The following DRC11 variants were observed in gnomAD, a reference collection of about 807,000 sequenced individuals.
DRC11 encodes the protein dynein regulatory complex subunit 11.
At chr2:236,477,214 A>G in the DRC11 span, among the ~76,000 whole-genome samples, 1 of 152,220 alleles carries the variant, frequency 6.6e-6, no homozygotes. Context: ...TGACTCCCCA[A>G]AACTTAACTA....
the DRC11 span, among the ~76,000 whole-genome samples, chr2:236,466,493 T>C: frequency 1.4e-4 from 21 of 152,354 alleles, 1 homozygote; most frequent in Middle Eastern, 0.041. Context: ...GAAGTTTATT[T>C]TGGCTCACAG....
At chr2:236,403,399 A>G in the DRC11 span, among the ~76,000 whole-genome samples, 1 of 151,924 alleles carries the variant, frequency 6.6e-6, no homozygotes, top group African/African-American at 2.4e-5. Flanking sequence ...TGGCTCTTGA[A>G]AGGACCAAGA....
chr2:236,481,790 T>A, the DRC11 span, among the ~76,000 whole-genome samples: 6 of 151,836 alleles, frequency 4.0e-5, no homozygotes, highest in Non-Finnish European at 8.8e-5. Flanking sequence ...GTGTATATAC[T>A]TAGTTGAAGT....
chr2:236,409,235 G>A, the DRC11 span, among the ~76,000 whole-genome samples: 1 of 152,192 alleles, frequency 6.6e-6, no homozygotes, highest in Non-Finnish European at 1.5e-5. Context: ...TGCCTGAGTA[G>A]CTGGGACCAC....
At chr2:236,455,551 A>G in the DRC11 span, among the ~76,000 whole-genome samples, 1 of 152,160 alleles carries the variant, frequency 6.6e-6, no homozygotes, top group Admixed American at 6.5e-5. The surrounding 1 kb of genome is among the most constrained non-coding windows in gnomAD (Gnocchi z 5.7). Flanking sequence ...CATTCTGTCC[A>G]TTGCCCGAAG....
At chr2:236,424,787 C>T in the DRC11 span, among the ~76,000 whole-genome samples, 1 of 151,896 alleles carries the variant, frequency 6.6e-6, no homozygotes, top group Admixed American at 6.6e-5. Context: ...AACTCTGTAC[C>T]CTTTGACCAA....
At chr2:236,394,188 A>T in the DRC11 span, among the ~76,000 whole-genome samples, 1 of 152,164 alleles carries the variant, frequency 6.6e-6, no homozygotes, top group Non-Finnish European at 1.5e-5. This position sits in a 1 kb window ranked among gnomAD's most constrained non-coding sequence, Gnocchi z 7.0. Context: ...AGAAACAGCT[A>T]TGCCCCAAAG....
At chr2:236,392,706 T>G in the DRC11 span, among the ~76,000 whole-genome samples, 1 of 152,248 alleles carries the variant, frequency 6.6e-6, no homozygotes, top group East Asian at 1.9e-4. The surrounding 1 kb of genome is among the most constrained non-coding windows in gnomAD (Gnocchi z 5.1). Context: ...TGACCTTTTT[T>G]GTAATGTTTT....
At chr2:236,491,142 G>GTATATATATACACACAGTATATATA in the DRC11 span, among the ~76,000 whole-genome samples, 1 of 39,352 alleles carries the variant, frequency 2.5e-5, no homozygotes, top group East Asian at 6.0e-4. Flanking sequence ...TATATATACA[G>GTATATATATACACACAGTATATATA]TATATATATA....
chr2:236,341,203 C>G, the DRC11 span, among the ~76,000 whole-genome samples: 1 of 152,210 alleles, frequency 6.6e-6, no homozygotes, highest in Non-Finnish European at 1.5e-5. Flanking sequence ...GAGGCACTAT[C>G]GTGATGTCAG....
the DRC11 span, among the ~76,000 whole-genome samples, chr2:236,357,483 T>TATATTATAAATACATATTTAC: frequency 6.7e-4 from 86 of 127,454 alleles, 1 homozygote; most frequent in African/African-American, 2.6e-3. Flanking sequence ...TGTATATTTA[T>TATATTATAAATACATATTTAC]ATATTATAAA....
chr2:236,506,039 C>T, the DRC11 span, among the ~76,000 whole-genome samples: 1 of 152,230 alleles, frequency 6.6e-6, no homozygotes, highest in Non-Finnish European at 1.5e-5. The surrounding 1 kb of genome is among the most constrained non-coding windows in gnomAD (Gnocchi z 4.9). Context: ...CTGTCAAGGT[C>T]ACTGGTGAAC....
At chr2:236,358,285 AC>A in the DRC11 span, among the ~76,000 whole-genome samples, 1 of 130,388 alleles carries the variant, frequency 7.7e-6, no homozygotes, top group Non-Finnish European at 1.5e-5. Context: ...AGATATATAT[AC>A]TATATGAATA....
chr2:236,341,296 T>C, the DRC11 span, among the ~76,000 whole-genome samples: 1 of 152,188 alleles, frequency 6.6e-6, no homozygotes, highest in Non-Finnish European at 1.5e-5. Context: ...CTTTACCGCC[T>C]TCACCTCAGA....
At chr2:236,357,043 ATAT>A in the DRC11 span, among the ~76,000 whole-genome samples, 2 of 98,798 alleles carry the variant, frequency 2.0e-5, 1 homozygote, top group African/African-American at 6.9e-5. Context: ...ATATATTCAT[ATAT>A]TATATATCTA....
chr2:236,406,541 G>A, the DRC11 span, among the ~76,000 whole-genome samples: 1 of 152,264 alleles, frequency 6.6e-6, no homozygotes, highest in East Asian at 1.9e-4. The surrounding 1 kb of genome is among the most constrained non-coding windows in gnomAD (Gnocchi z 4.7). Context: ...GTATCCTGGG[G>A]TGGGGGAGAG....
the DRC11 span, among the ~76,000 whole-genome samples, chr2:236,426,055 AT>A: frequency 6.6e-6 from 1 of 151,944 alleles, no homozygotes; most frequent in South Asian, 2.1e-4. The surrounding 1 kb of genome is among the most constrained non-coding windows in gnomAD (Gnocchi z 4.1). Context: ...ATATTTGGAA[AT>A]CAGGAAGTGT....
At chr2:236,360,822 G>T in the DRC11 span, among the ~76,000 whole-genome samples, 1 of 152,162 alleles carries the variant, frequency 6.6e-6, no homozygotes, top group Admixed American at 6.5e-5. This position sits in a 1 kb window ranked among gnomAD's most constrained non-coding sequence, Gnocchi z 5.8. Flanking sequence ...TAAGAGATTT[G>T]CTTTGGACCA....
At chr2:236,310,379 C>G in the DRC11 span, among the ~76,000 whole-genome samples, 21 of 152,144 alleles carry the variant, frequency 1.4e-4, no homozygotes, top group Non-Finnish European at 3.1e-4. This position sits in a 1 kb window ranked among gnomAD's most constrained non-coding sequence, Gnocchi z 5.5. Context: ...CTACTGTGCC[C>G]CAGGGACATA....
Sources: allele counts gnomAD v4.1 joint callset (sites outside exome capture counted in the v4.1 genomes callset), GRCh38; gene constraint gnomAD v4.1.1; non-coding constraint Gnocchi (gnomAD v3.1); transcripts MANE v1.5; gene names NCBI Gene and HGNC (gene_info 2026-07-23, HGNC 2026-07-21).